NKAIN2: variants seen among roughly 807,000 people sequenced by gnomAD.
NKAIN2 encodes sodium/potassium-transporting ATPase subunit beta-1-interacting protein 2.
NKAIN2 carries 14 observed loss-of-function variants against 32.6 expected under a neutral mutation model. The ratio of observed to expected loss-of-function variants is 0.43; its 90% CI spans 0.28 to 0.67. The LOEUF is 0.67. Ranked by LOEUF, NKAIN2 falls within the 30% of genes least tolerant of loss-of-function variation. The pLI is 0.17. For missense variants in NKAIN2, 198 were observed against 258.3 expected (o/e 0.77, Z 1.60); for synonymous variants, 80 against 87.2 (o/e 0.92, Z 0.46).
chr6:124,361,830 C>T (rs1799303136), intron 3 of NKAIN2, among the ~76,000 whole-genome samples: 1 of 152,016 alleles, frequency 6.6e-6, no homozygotes, highest in Non-Finnish European at 1.5e-5. Context: ...GATGCAAGTG[C>T]AATGTGGAAT....
intron 1 of NKAIN2, among the ~76,000 whole-genome samples, chr6:124,115,576 C>A (rs1048597860): frequency 6.6e-6 from 1 of 151,998 alleles, no homozygotes; most frequent in African/African-American, 2.4e-5. Context: ...TGTAGAGATA[C>A]CCCTGCTTGG....
At chr6:124,053,864 C>G (rs567991048) in intron 1 of NKAIN2, among the ~76,000 whole-genome samples, 33 of 152,036 alleles carry the variant, frequency 2.2e-4, no homozygotes, top group African/African-American at 7.2e-4. Flanking sequence ...CATTGTGTTA[C>G]AATTGTTACC....
At chr6:124,222,076 G>A (rs73770368) in intron 1 of NKAIN2, among the ~76,000 whole-genome samples, 3,813 of 152,228 alleles carry the variant, frequency 0.025, 150 homozygotes, top group African/African-American at 0.088. Flanking sequence ...TCCCGTAAAG[G>A]ATGATCTGGA....
chr6:124,725,081 T>C (rs1386777186), intron 4 of NKAIN2, among the ~76,000 whole-genome samples: 1 of 152,226 alleles, frequency 6.6e-6, no homozygotes, highest in Non-Finnish European at 1.5e-5. Flanking sequence ...CTTCAACTTT[T>C]GACTTAGACC....
chr6:124,630,203 G>T (rs1473410458), intron 3 of NKAIN2, among the ~76,000 whole-genome samples: 1 of 152,120 alleles, frequency 6.6e-6, no homozygotes, highest in African/African-American at 2.4e-5. Flanking sequence ...ATTGGGGAGT[G>T]AGGGGAATAC....
At chr6:124,729,076 A>C (rs936934461) in intron 4 of NKAIN2, among the ~76,000 whole-genome samples, 1 of 152,114 alleles carries the variant, frequency 6.6e-6, no homozygotes, top group East Asian at 1.9e-4. Flanking sequence ...ATAGCTTACC[A>C]ACCAAAAAGA....
At chr6:124,080,724 A>G (rs1234015294) in intron 1 of NKAIN2, among the ~76,000 whole-genome samples, 2 of 146,950 alleles carry the variant, frequency 1.4e-5, no homozygotes, top group Non-Finnish European at 3.0e-5. Context: ...ACACACGACT[A>G]CTAGCAAAAA....
chr6:124,601,338 G>T (rs1782298983), intron 3 of NKAIN2, among the ~76,000 whole-genome samples: 1 of 151,998 alleles, frequency 6.6e-6, no homozygotes, highest in Non-Finnish European at 1.5e-5. Flanking sequence ...TGTGTTCGTT[G>T]ACAACTACTC....
chr6:124,008,359 C>A (rs890135602), intron 1 of NKAIN2, among the ~76,000 whole-genome samples: 7 of 152,006 alleles, frequency 4.6e-5, no homozygotes, highest in Non-Finnish European at 7.4e-5. Flanking sequence ...CAAGGGGAAC[C>A]AGATAATCAT....
chr6:124,359,815 T>C (rs1799183627), intron 3 of NKAIN2, among the ~76,000 whole-genome samples: 1 of 152,156 alleles, frequency 6.6e-6, no homozygotes. Flanking sequence ...CTATGTTGAA[T>C]AGGAGTGGTG....
At chr6:124,567,518 A>G (rs1583451580) in intron 3 of NKAIN2, among the ~76,000 whole-genome samples, 1 of 152,192 alleles carries the variant, frequency 6.6e-6, no homozygotes. Flanking sequence ...GGGACCATCT[A>G]TATTTTCTCT....
At position 124,055,486 on chromosome 6, in the gene NKAIN2, A is replaced by G. The variant is rs568543995; in HGVS notation, c.55-227519A>G. Among the ~76,000 whole-genome samples the G allele has an allele frequency of 2.6e-5, 4 of 152,174 alleles. No homozygotes were observed. The South Asian group carries it at 8.3e-4, about 32-fold the overall frequency. Reference sequence around the variant, plus strand: ...TTAGTTCCTTGTTTTTTCTAATTACACACTGCTTTTTTAAACTCAGCAAGA... The same window carrying G: ...TTAGTTCCTTGTTTTTTCTAATTACGCACTGCTTTTTTAAACTCAGCAAGA... On this transcript the variant is annotated intron_variant, in intron 1 of 6. Coordinates refer to ENST00000368417, the MANE Select transcript of NKAIN2 (RefSeq NM_001040214.3).
At chr6:124,646,093 T>G (rs1784156195) in intron 3 of NKAIN2, among the ~76,000 whole-genome samples, 1 of 152,202 alleles carries the variant, frequency 6.6e-6, no homozygotes, top group Admixed American at 6.5e-5. Context: ...ATATTGTTTA[T>G]AGACAATAAT....
intron 1 of NKAIN2, among the ~76,000 whole-genome samples, chr6:124,216,695 G>T (rs571062079): frequency 1.3e-5 from 2 of 152,196 alleles, no homozygotes; most frequent in South Asian, 2.1e-4. Context: ...TTTCATTCAG[G>T]TATCTGTTAT....
At chr6:124,340,096 C>T (rs981920197) in intron 2 of NKAIN2, among the ~76,000 whole-genome samples, 1 of 151,926 alleles carries the variant, frequency 6.6e-6, no homozygotes, top group Admixed American at 6.6e-5. Flanking sequence ...CTTCCAAAAC[C>T]AAATAGATCA....
intron 3 of NKAIN2, among the ~76,000 whole-genome samples, chr6:124,591,738 C>T (rs1419872484): frequency 2.6e-5 from 4 of 152,066 alleles, no homozygotes; most frequent in Non-Finnish European, 5.9e-5. Flanking sequence ...GTATATTCCA[C>T]AGTTCTTTCA....
At chr6:124,625,946 T>TTTTA (rs1394949621) in intron 3 of NKAIN2, among the ~76,000 whole-genome samples, 2 of 151,668 alleles carry the variant, frequency 1.3e-5, no homozygotes, top group Non-Finnish European at 2.9e-5. Flanking sequence ...TTTTTAAAAA[T>TTTTA]TTTATTATTA....
At chr6:124,336,710 T>C (rs755909149) in intron 2 of NKAIN2, among the ~76,000 whole-genome samples, 217 of 148,846 alleles carry the variant, frequency 1.5e-3, no homozygotes, top group Middle Eastern at 3.5e-3. Context: ...AGTCTTGCTC[T>C]GTCACTAGGC....
At chr6:124,292,539 CT>C (rs61460248) in intron 2 of NKAIN2, among the ~76,000 whole-genome samples, 276 of 143,298 alleles carry the variant, frequency 1.9e-3, no homozygotes, top group East Asian at 3.9e-3. Flanking sequence ...GAGCAGATGA[CT>C]TTTTTTTTTT....
Sources: gnomAD v4.1 joint callset for allele counts (sites outside exome capture counted in the v4.1 genomes callset) on GRCh38, gnomAD v4.1.1 for gene constraint, MANE v1.5 for transcripts, NCBI Gene and HGNC (gene_info 2026-07-23, HGNC 2026-07-21) for gene names.